The following SMAP1 variants were observed in gnomAD, a reference collection of about 807,000 sequenced individuals.
SMAP1 encodes the protein stromal membrane-associated protein 1.
SMAP1 carries 24 observed loss-of-function variants against 58.5 expected under a neutral mutation model. The observed-to-expected ratio is 0.41, with a 90% CI of 0.30 to 0.58. The LOEUF (loss-of-function observed/expected upper bound fraction) is 0.58. Among genes scored for constraint, SMAP1 ranks in the 20% least tolerant of loss-of-function variants. The pLI, the probability that SMAP1 is intolerant of heterozygous loss-of-function variation, is 0.29. For synonymous variants in SMAP1, 216 were observed against 196.6 expected, an observed-to-expected ratio of 1.10 and a Z score of -0.82; for missense variants, 563 against 566.3, an observed-to-expected ratio of 0.99 and a Z score of 0.06.
At chr6:70,795,286 A>G (rs913775699) in intron 5 of SMAP1, among the ~76,000 whole-genome samples, 1 of 152,060 alleles carries the variant, frequency 6.6e-6, no homozygotes. Context: ...CTTCTTTCCT[A>G]CTCATGACAA....
At chr6:70,799,949 T>G (rs1051449575) in intron 6 of SMAP1, among the ~76,000 whole-genome samples, 1 of 152,208 alleles carries the variant, frequency 6.6e-6, no homozygotes, top group Non-Finnish European at 1.5e-5. Context: ...TGCAATATGG[T>G]GAGTATGTAA....
At chr6:70,827,549 A>G (rs543874552) in intron 6 of SMAP1, among the ~76,000 whole-genome samples, 1 of 152,342 alleles carries the variant, frequency 6.6e-6, no homozygotes, top group Non-Finnish European at 1.5e-5. Context: ...AATTGTCTGA[A>G]GAGGATACTT....
chr6:70,791,850 C>A (rs1437965759), intron 5 of SMAP1, 81 bp downstream of exon 5: 2 of 1,207,352 alleles, frequency 1.7e-6, no homozygotes, highest in African/African-American at 1.5e-5. Flanking sequence ...CATTCGGGAA[C>A]ACTATAATAG....
chr6:70,800,555 T>C (rs1410466857), intron 6 of SMAP1, among the ~76,000 whole-genome samples: 1 of 152,168 alleles, frequency 6.6e-6, no homozygotes, highest in East Asian at 1.9e-4. Flanking sequence ...CTAGGGTATA[T>C]GTGCACAGTG....
intron 1 of SMAP1, among the ~76,000 whole-genome samples, chr6:70,676,072 A>G (rs1429916851): frequency 6.6e-6 from 1 of 152,178 alleles, no homozygotes; most frequent in Admixed American, 6.5e-5. Flanking sequence ...TGCTGGGAGA[A>G]TTAAGTGTGT....
chr6:70,816,645 G>A (rs1019728325), intron 6 of SMAP1, among the ~76,000 whole-genome samples: 1 of 152,100 alleles, frequency 6.6e-6, no homozygotes, highest in African/African-American at 2.4e-5. Flanking sequence ...GTCCAGCACT[G>A]GGGATATAGT....
chr6:70,776,661 C>T (rs1255759311), intron 4 of SMAP1, among the ~76,000 whole-genome samples: 3 of 152,192 alleles, frequency 2.0e-5, no homozygotes, highest in African/African-American at 7.2e-5. Context: ...TCTCCCTTAC[C>T]CTTTAATGTC....
At chr6:70,729,802 G>A (rs1280995087) in intron 1 of SMAP1, among the ~76,000 whole-genome samples, 1 of 152,116 alleles carries the variant, frequency 6.6e-6, no homozygotes. Context: ...TTATGTGAAA[G>A]CAAATCAGGA....
intron 3 of SMAP1, among the ~76,000 whole-genome samples, chr6:70,763,077 G>A (rs1766818362): frequency 1.0e-5 from 1 of 97,726 alleles, no homozygotes; most frequent in Non-Finnish European, 2.2e-5. Flanking sequence ...TTTATTGCAT[G>A]TTGCTTTATT....
intron 7 of SMAP1, among the ~76,000 whole-genome samples, chr6:70,842,829 A>G (rs529494046): frequency 3.7e-4 from 57 of 152,270 alleles, no homozygotes; most frequent in African/African-American, 1.2e-3. Flanking sequence ...CTTATGGCCA[A>G]CACATGGAAG....
chr6:70,764,595 T>C (rs1310381243), intron 3 of SMAP1, among the ~76,000 whole-genome samples: 1 of 152,226 alleles, frequency 6.6e-6, no homozygotes, highest in East Asian at 1.9e-4. Context: ...CACATCTGTT[T>C]ACAGCATGGT....
intron 1 of SMAP1, among the ~76,000 whole-genome samples, chr6:70,729,281 T>TA (rs1765316554): frequency 6.6e-6 from 1 of 151,742 alleles, no homozygotes; most frequent in African/African-American, 2.4e-5. Context: ...CTACTAAAAA[T>TA]ACAAAAAATT....
rs184505722 is a variant in SMAP1, at chr6:70,861,490, T to C, written c.*1156T>C. ...ATACATTTTGTACCAACCATCCAAT[T>C]AGCTTATGTTAACTGACAAGCTCCA... On this transcript the variant is annotated 3_prime_UTR_variant, in exon 11 of 11. Coordinates refer to ENST00000370455, the MANE Select transcript of SMAP1 (RefSeq NM_001044305.3). 1.8e-4 allele frequency: 107 copies of C among 606,420 alleles called. No individual in the cohort carries two copies. Among genetic ancestry groups the C allele is most frequent in the Non-Finnish European group, 1.3e-4 (43 of 340,630 alleles). The allele number at this position is 606,420 out of a possible 1,614,324, so 37.6% of individuals were successfully genotyped here. A position where few individuals can be genotyped will look rare whatever the true frequency, so the allele number is the denominator to read the frequency against.
intron 2 of SMAP1, among the ~76,000 whole-genome samples, chr6:70,737,798 A>T (rs1765672347): frequency 6.6e-6 from 1 of 152,208 alleles, no homozygotes; most frequent in South Asian, 2.1e-4. Context: ...GAGAAAAAAG[A>T]ATCATGCACT....
chr6:70,771,550 C>T (rs747474604), intron 3 of SMAP1, among the ~76,000 whole-genome samples: 21 of 152,212 alleles, frequency 1.4e-4, no homozygotes, highest in Admixed American at 2.6e-4. Context: ...TAGGACCCTC[C>T]GAGCCAGGTG....
At chr6:70,783,596 G>A (rs1194225033) in intron 4 of SMAP1, among the ~76,000 whole-genome samples, 2 of 152,198 alleles carry the variant, frequency 1.3e-5, no homozygotes, top group Non-Finnish European at 2.9e-5. Context: ...CCAATGCAGA[G>A]AAGTGCTTAA....
At chr6:70,855,516 G>C (rs898434900) in intron 8 of SMAP1, among the ~76,000 whole-genome samples, 1 of 152,138 alleles carries the variant, frequency 6.6e-6, no homozygotes. Context: ...CAGACTTTTA[G>C]GTTGAACAGA....
chr6:70,695,019 T>G (rs1767340620), intron 1 of SMAP1, among the ~76,000 whole-genome samples: 1 of 152,114 alleles, frequency 6.6e-6, no homozygotes, highest in African/African-American at 2.4e-5. Context: ...CCATTTCTTT[T>G]CAAGTTTATT....
intron 1 of SMAP1, among the ~76,000 whole-genome samples, chr6:70,702,107 A>G (rs962736963): frequency 6.6e-6 from 1 of 152,100 alleles, no homozygotes; most frequent in East Asian, 1.9e-4. Flanking sequence ...TTTGTCCGTA[A>G]TGCCTTTTCC....
Sources: gnomAD v4.1 joint callset for allele counts (sites outside exome capture counted in the v4.1 genomes callset) on GRCh38, gnomAD v4.1.1 for gene constraint, MANE v1.5 for transcripts, NCBI Gene and HGNC (gene_info 2026-07-23, HGNC 2026-07-21) for gene names.